The following NPY2R variants were observed in gnomAD, a reference collection of about 807,000 sequenced individuals.
NPY2R encodes the protein neuropeptide Y receptor type 2.
In NPY2R, 17 loss-of-function variants were observed where a neutral mutation model predicts 22.3. The ratio of observed to expected loss-of-function variants is 0.76; its 90% confidence interval spans 0.52 to 1.14. The LOEUF (loss-of-function observed/expected upper bound fraction) is 1.14. Among genes scored for constraint, NPY2R ranks in the 50% most tolerant of loss-of-function variants. The pLI, the probability that NPY2R is intolerant of heterozygous loss-of-function variation, is 0.00. For missense variants in NPY2R, 424 were observed against 467.9 expected (o/e 0.91, Z 0.87); for synonymous variants, 209 against 183.4 (o/e 1.14, Z -1.13).
the NPY2R span, among the ~76,000 whole-genome samples, chr4:155,188,219 G>A: frequency 2.0e-5 from 3 of 151,992 alleles, no homozygotes; most frequent in African/African-American, 7.2e-5. Flanking sequence ...CAATGACCAT[G>A]TCCAAAGCTT....
the NPY2R span, among the ~76,000 whole-genome samples, chr4:155,200,456 G>C: frequency 6.6e-6 from 1 of 152,076 alleles, no homozygotes; most frequent in Non-Finnish European, 1.5e-5. Flanking sequence ...GATTCCTCAA[G>C]GATCTAGAAC....
At chr4:155,205,456 G>T (rs72972765), upstream of NPY2R, among the ~76,000 whole-genome samples, 2,344 of 152,248 alleles carry the variant, frequency 0.015, 48 homozygotes, top group African/African-American at 0.053. Context: ...TAATAAGTAT[G>T]TATCACAAGT....
chr4:155,195,909 A>G, the NPY2R span, among the ~76,000 whole-genome samples: 1 of 152,060 alleles, frequency 6.6e-6, no homozygotes, highest in African/African-American at 2.4e-5. Context: ...ATTTGCTCTT[A>G]GTTATTAGTG....
At chr4:155,195,510 G>GT in the NPY2R span, among the ~76,000 whole-genome samples, 3 of 151,776 alleles carry the variant, frequency 2.0e-5, no homozygotes, top group South Asian at 2.1e-4. Flanking sequence ...TATAGCCCTA[G>GT]TTTTTTAATA....
intron 1 of NPY2R, among the ~76,000 whole-genome samples, chr4:155,210,546 T>G (rs1729382663): frequency 6.6e-6 from 1 of 152,206 alleles, no homozygotes; most frequent in Non-Finnish European, 1.5e-5. Flanking sequence ...AACTGTACTC[T>G]AAAACCAGTC....
At chr4:155,180,742 G>C in the NPY2R span, among the ~76,000 whole-genome samples, 1 of 151,844 alleles carries the variant, frequency 6.6e-6, no homozygotes, top group Non-Finnish European at 1.5e-5. Flanking sequence ...TTTTGTATTA[G>C]AGTAGGCATG....
chr4:155,204,934 T>A (rs1212714287), upstream of NPY2R, among the ~76,000 whole-genome samples: 3 of 151,782 alleles, frequency 2.0e-5, no homozygotes, highest in Non-Finnish European at 4.4e-5. Flanking sequence ...TGCATATTCA[T>A]GTCTGGCAGT....
the NPY2R span, among the ~76,000 whole-genome samples, chr4:155,196,028 G>T: frequency 6.2e-4 from 94 of 152,064 alleles, no homozygotes; most frequent in Non-Finnish European, 9.4e-4. Flanking sequence ...GAAGGTCTTA[G>T]TAATTATTTC....
At position 155,216,170 on chromosome 4, in the gene NPY2R, A is replaced by G. The variant is rs560789363; in HGVS notation, c.*1085A>G. On this transcript the variant is annotated 3_prime_UTR_variant, in exon 2 of 2. Coordinates refer to ENST00000329476, the MANE Select transcript of NPY2R (RefSeq NM_000910.4). ...GACCTATCTGTAAGAGGTACTAAAA[A>G]CACTGGATTCATTTCATCTTGCAAA... The G allele has an allele frequency of 5.4e-5, 9 of 167,160 alleles. No individual in the cohort carries two copies. The highest frequency in any genetic ancestry group is 1.7e-4 in the African/African-American group (7 of 41,578). The allele number at this position is 167,160 out of a possible 1,614,324, so 10.4% of individuals were successfully genotyped here.
Position 155,214,592 on chromosome 4 carries a change from T to C in NPY2R, c.653T>C (p.Val218Ala), listed in dbSNP as rs1729473837. 1.2e-6 allele frequency: 2 copies of C among 1,614,226 alleles called. No homozygotes were observed. The highest frequency in any genetic ancestry group is 1.3e-5 in the African/African-American group (1 of 75,074). Reference protein sequence around the residue: ...PGEEKSIYGTVYSLSSLLILY... With the variant: ...PGEEKSIYGTAYSLSSLLILY... Reference sequence around the variant, plus strand: ...GAGGAGAAGAGCATCTATGGCACTGTCTATAGTCTTTCTTCCTTGTTGATC... The same window carrying C: ...GAGGAGAAGAGCATCTATGGCACTGCCTATAGTCTTTCTTCCTTGTTGATC... The change falls in exon 2 of 2, where the codon GTC (valine) becomes GCC (alanine). Residue 218 changes from valine to alanine, a missense_variant. Physicochemically the swap from Val to Ala is moderately conservative, Grantham distance 64. Transcript: ENST00000329476.
At chr4:155,211,113 G>A (rs1364547981) in intron 1 of NPY2R, among the ~76,000 whole-genome samples, 1 of 152,134 alleles carries the variant, frequency 6.6e-6, no homozygotes, top group Non-Finnish European at 1.5e-5. Context: ...TTTCCATTTG[G>A]CTGACATTGA....
rs1729470385 is a variant in NPY2R at position 155,214,489 on chromosome 4, G to A, written c.550G>A (p.Ala184Thr). 6.2e-7 allele frequency: 1 copy of A among 1,614,120 alleles called. No homozygotes were observed. Among genetic ancestry groups the A allele is most frequent in the African/African-American group, 1.3e-5 (1 of 75,034 alleles). Residue 184 changes from alanine (A) to threonine (T), a missense_variant, in exon 2 of 2, where the codon GCC becomes ACC. Physicochemically the swap from Ala to Thr is moderately conservative, Grantham distance 58. Coordinates refer to ENST00000329476, the MANE Select transcript of NPY2R (RefSeq NM_000910.4). ...GISALLASPL[A>T]IFREYSLIEI... ...CAGTGCCCTGCTGGCAAGTCCCCTG[G>A]CCATCTTCCGGGAGTATTCGCTGAT... is the stretch of plus-strand genomic sequence containing the variant.
At chr4:155,197,257 G>A in the NPY2R span, among the ~76,000 whole-genome samples, 1 of 151,860 alleles carries the variant, frequency 6.6e-6, no homozygotes. Flanking sequence ...TAGGTTTTCA[G>A]TAATGAGTTT....
chr4:155,182,576 C>G, the NPY2R span, among the ~76,000 whole-genome samples: 1 of 152,164 alleles, frequency 6.6e-6, no homozygotes, highest in African/African-American at 2.4e-5. Context: ...TGCAGAGCCT[C>G]TCTCAGGCCA....
At chr4:155,190,052 T>G in the NPY2R span, among the ~76,000 whole-genome samples, 1 of 152,002 alleles carries the variant, frequency 6.6e-6, no homozygotes, top group African/African-American at 2.4e-5. Flanking sequence ...TTTTAAATCC[T>G]GGGAGAAAGA....
Position 155,215,984 on chromosome 4 carries a change from T to A in NPY2R, c.*899T>A, listed in dbSNP as rs1729506821. On this transcript the variant is annotated 3_prime_UTR_variant, in exon 2 of 2. Transcript: ENST00000329476. Reference sequence around the variant, plus strand: ...AAATTTAAATCAGACTAGAGAATAATTTTTGTGGCATGTTGTAACATTTCA... The same window carrying A: ...AAATTTAAATCAGACTAGAGAATAAATTTTGTGGCATGTTGTAACATTTCA... 6.0e-6 allele frequency: 1 copy of A among 167,094 alleles called. No homozygotes were observed. Among genetic ancestry groups the A allele is most frequent in the Non-Finnish European group, 1.5e-5 (1 of 68,124 alleles). The allele number at this position is 167,094 out of a possible 1,614,324, so 10.4% of individuals were successfully genotyped here.
rs550095329 is a variant in NPY2R at position 155,214,773 on chromosome 4, G to T, written c.834G>T (p.Ala278=). 44 of 1,613,854 alleles carry T rather than the reference G, an allele frequency of 2.7e-5. No individual in the cohort carries two copies. Among genetic ancestry groups the T allele is most frequent in the Non-Finnish European group, 3.6e-5 (43 of 1,179,872 alleles). The change falls in exon 2 of 2, where the codon GCG becomes GCT. Residue 278 remains alanine, a synonymous_variant. Transcript: ENST00000329476. ...TGGTGTGTGTGGTGGTGGTGTTTGC[G>T]GTCAGCTGGCTGCCTCTCCATGCCT... ...KMLVCVVVVF[A]VSWLPLHAFQ...
At chr4:155,174,121 G>A in the NPY2R span, 1 of 151,728 alleles carries the variant, frequency 6.6e-6, no homozygotes, top group African/African-American at 2.4e-5. Context: ...GATTTTTCTG[G>A]CTTTCTGATC....
chr4:155,174,568 A>C, the NPY2R span, among the ~76,000 whole-genome samples: 1 of 150,734 alleles, frequency 6.6e-6, no homozygotes, highest in East Asian at 2.0e-4. Flanking sequence ...GCCTAAGAAG[A>C]GAACTTTTAC....
Sources: gnomAD v4.1 joint callset for allele counts (sites outside exome capture counted in the v4.1 genomes callset) on GRCh38, gnomAD v4.1.1 for gene constraint, MANE v1.5 for transcripts, NCBI Gene and HGNC (gene_info 2026-07-23, HGNC 2026-07-21) for gene names.